Variants in RSPO2 observed in about 807,000 individuals in gnomAD.
RSPO2 encodes the protein R-spondin 2, also known as R-spondin-2.
Under a neutral mutation model 30.9 loss-of-function variants are expected in RSPO2, and 14 were observed. The observed-to-expected ratio is 0.45, with a 90% confidence interval of 0.30 to 0.71. The LOEUF (loss-of-function observed/expected upper bound fraction) is 0.71, where lower values mean the gene tolerates loss of function less well. Among genes scored for constraint, RSPO2 ranks in the 30% least tolerant of loss-of-function variants. The pLI is 0.08. For synonymous variants in RSPO2, 107 were observed against 96.4 expected (o/e 1.11, Z -0.64); for missense variants, 264 against 301.9 (o/e 0.87, Z 0.93).
At chr8:107,967,817 T>C (rs1813858446) in intron 3 of RSPO2, among the ~76,000 whole-genome samples, 1 of 152,166 alleles carries the variant, frequency 6.6e-6, no homozygotes, top group South Asian at 2.1e-4. Flanking sequence ...GCCACTCAAA[T>C]AGTACAGTGG....
At chr8:107,988,970 TAAAAAAA>T in intron 3 of RSPO2, 79 bp downstream of exon 3, 2 of 1,258,616 alleles carry the variant, frequency 1.6e-6, no homozygotes. Context: ...ACATTTTTTT[TAAAAAAA>T]TCATTCAAAA....
At chr8:108,020,404 A>G (rs977681928) in intron 2 of RSPO2, among the ~76,000 whole-genome samples, 2 of 152,146 alleles carry the variant, frequency 1.3e-5, no homozygotes, top group South Asian at 2.1e-4. Flanking sequence ...ATTAAATAAA[A>G]TCCTATCACT....
At chr8:107,998,874 C>T (rs1279189968) in intron 2 of RSPO2, among the ~76,000 whole-genome samples, 2 of 151,928 alleles carry the variant, frequency 1.3e-5, no homozygotes, top group Non-Finnish European at 2.9e-5. Flanking sequence ...ATGGTGAAAC[C>T]CTGTCTCTAC....
At chr8:108,032,279 A>AT (rs1811447187) in intron 2 of RSPO2, among the ~76,000 whole-genome samples, 1 of 152,250 alleles carries the variant, frequency 6.6e-6, no homozygotes, top group South Asian at 2.1e-4. Context: ...TAAACATTTA[A>AT]TAACACATAT....
rs1455286333 is a variant in RSPO2 at position 108,082,425 on chromosome 8, A to G, written c.94+120T>C. ...CTAAAGGTGGGGACTGGGGACCCGC[A>G]AAAGCTGGGGTGGAGAGCACAGCCC... On this transcript the variant is annotated intron_variant, in intron 2 of 5. Transcript: ENST00000276659. The G allele has an allele frequency of 9.8e-6, 7 of 715,432 alleles. No individual in the cohort carries two copies. The East Asian group carries it at 1.8e-4, about 18-fold the overall frequency. 44.3% of individuals were successfully genotyped at this position (715,432 alleles called of 1,614,324 possible). A position where few individuals can be genotyped will look rare whatever the true frequency, so the allele number is the denominator to read the frequency against.
chr8:108,014,646 A>C (rs1810818533), intron 2 of RSPO2, among the ~76,000 whole-genome samples: 1 of 152,046 alleles, frequency 6.6e-6, no homozygotes, highest in Admixed American at 6.6e-5. Context: ...TTGAACAATG[A>C]GAACACATGG....
chr8:108,032,367 ACT>A (rs1811450111), intron 2 of RSPO2, among the ~76,000 whole-genome samples: 1 of 152,136 alleles, frequency 6.6e-6, no homozygotes, highest in Non-Finnish European at 1.5e-5. Flanking sequence ...GAGAGCAAAC[ACT>A]CTTAAATTTT....
At chr8:108,030,803 T>C (rs1811395843) in intron 2 of RSPO2, among the ~76,000 whole-genome samples, 1 of 152,196 alleles carries the variant, frequency 6.6e-6, no homozygotes, top group African/African-American at 2.4e-5. Context: ...AGCCATTCCA[T>C]TTTATGAAAT....
At chr8:108,063,185 A>G (rs1344345838) in intron 2 of RSPO2, among the ~76,000 whole-genome samples, 3 of 151,800 alleles carry the variant, frequency 2.0e-5, no homozygotes, top group Non-Finnish European at 4.4e-5. Flanking sequence ...TGGCCAGGGC[A>G]ATCAGGCAGG....
intron 2 of RSPO2, among the ~76,000 whole-genome samples, chr8:108,065,521 T>C (rs1037374327): frequency 3.2e-4 from 49 of 152,076 alleles, no homozygotes; most frequent in African/African-American, 1.1e-3. Flanking sequence ...AATGTACATA[T>C]TATGGGTATC....
At chr8:108,014,154 C>T (rs552817378) in intron 2 of RSPO2, among the ~76,000 whole-genome samples, 143 of 152,250 alleles carry the variant, frequency 9.4e-4, no homozygotes, top group African/African-American at 3.1e-3. Flanking sequence ...CACCATCTCA[C>T]GCCAGTTAGA....
chr8:107,921,685 A>G (rs1812180093), intron 5 of RSPO2, among the ~76,000 whole-genome samples: 1 of 152,158 alleles, frequency 6.6e-6, no homozygotes, highest in Non-Finnish European at 1.5e-5. Flanking sequence ...TCCTTGAGGA[A>G]CATTGATGCA....
chr8:107,902,938 C>T (rs531544352), intron 5 of RSPO2, among the ~76,000 whole-genome samples: 1 of 152,152 alleles, frequency 6.6e-6, no homozygotes, highest in South Asian at 2.1e-4. Context: ...CATCTTGAAA[C>T]GTAGTTAATC....
At chr8:107,904,834 G>T (rs1586526955) in intron 5 of RSPO2, among the ~76,000 whole-genome samples, 1 of 152,050 alleles carries the variant, frequency 6.6e-6, no homozygotes, top group African/African-American at 2.4e-5. Context: ...GGCAAGACAA[G>T]ATTATCCTCA....
intron 2 of RSPO2, among the ~76,000 whole-genome samples, chr8:107,999,367 A>AATCC (rs35995060): frequency 0.39 from 28,631 of 73,586 alleles, 3,252 homozygotes; most frequent in African/African-American, 0.48. Context: ...TAAAGGTCTT[A>AATCC]GATCATTTGG....
At chr8:107,991,808 GA>G (rs1814856358) in intron 2 of RSPO2, among the ~76,000 whole-genome samples, 1 of 152,116 alleles carries the variant, frequency 6.6e-6, no homozygotes, top group South Asian at 2.1e-4. Flanking sequence ...GAATATTAAA[GA>G]AATGCAAATA....
At chr8:107,907,898 ATT>A (rs769819744) in intron 5 of RSPO2, among the ~76,000 whole-genome samples, 1 of 152,094 alleles carries the variant, frequency 6.6e-6, no homozygotes, top group Admixed American at 6.6e-5. Context: ...CATAGAAGAC[ATT>A]TTATTAGGAG....
chr8:107,899,774 G>A lies in RSPO2; in HGVS notation c.*1301C>T, dbSNP rs904473132. On this transcript the variant is annotated 3_prime_UTR_variant, in exon 6 of 6. Coordinates refer to ENST00000276659, the MANE Select transcript of RSPO2 (RefSeq NM_178565.5). The stretch of plus-strand genomic sequence containing the variant: ...CTTCTAAAAACTGGTTCCCCTAAAA[G>A]GACAATGATGTGTTTGAAACAACTG... The A allele has an allele frequency of 7.2e-5, 11 of 152,164 alleles. No individual in the cohort carries two copies. The highest frequency in any genetic ancestry group is 5.2e-4 in the Admixed American group (8 of 15,278). 9.4% of individuals were successfully genotyped at this position (152,164 alleles called of 1,614,324 possible). A position where few individuals can be genotyped will look rare whatever the true frequency, so the allele number is the denominator to read the frequency against.
At chr8:108,058,881 A>T (rs1341959677) in intron 2 of RSPO2, among the ~76,000 whole-genome samples, 1 of 151,658 alleles carries the variant, frequency 6.6e-6, no homozygotes, top group Non-Finnish European at 1.5e-5. Context: ...ATTAGACCTA[A>T]AACCATAAAA....
Sources: allele counts gnomAD v4.1 joint callset (sites outside exome capture counted in the v4.1 genomes callset), GRCh38; gene constraint gnomAD v4.1.1; transcripts MANE v1.5; gene names NCBI Gene and HGNC (gene_info 2026-07-23, HGNC 2026-07-21).